The following GPHN variants were observed in gnomAD, a reference collection of about 807,000 sequenced individuals.
The protein encoded by GPHN is gephyrin.
A neutral mutation model predicts 95.5 loss-of-function variants in GPHN; 17 were observed. The ratio of observed to expected loss-of-function variants is 0.18; its 90% CI spans 0.12 to 0.27. GPHN has a LOEUF of 0.27. Ranked by LOEUF, GPHN falls within the 10% of genes least tolerant of loss-of-function variation. GPHN has a pLI of 1.00. For missense variants in GPHN, 660 were observed against 978.1 expected (o/e 0.67, Z 4.34); for synonymous variants, 320 against 322.5 (o/e 0.99, Z 0.08).
At chr14:66,919,837 T>A (rs890310434) in intron 6 of GPHN, among the ~76,000 whole-genome samples, 1 of 151,832 alleles carries the variant, frequency 6.6e-6, no homozygotes, top group Non-Finnish European at 1.5e-5. Context: ...GAGGCCGAGG[T>A]GGGCCGATCA....
chr14:66,947,347 A>G (rs2067821627), intron 8 of GPHN, among the ~76,000 whole-genome samples: 1 of 152,182 alleles, frequency 6.6e-6, no homozygotes, highest in African/African-American at 2.4e-5. Flanking sequence ...GTTATTCTCT[A>G]TCATTGCACC....
chr14:67,697,834 T>C, the GPHN span, among the ~76,000 whole-genome samples: 1 of 152,176 alleles, frequency 6.6e-6, no homozygotes, highest in African/African-American at 2.4e-5. Flanking sequence ...GGTGGCAGAT[T>C]TCTGTACATG....
the GPHN span, chr14:67,205,028 G>A: frequency 6.4e-7 from 1 of 1,553,122 alleles, no homozygotes; most frequent in Non-Finnish European, 8.7e-7. Flanking sequence ...ATTACAAACT[G>A]CTCGGGAGTC....
chr14:67,082,819 C>A (rs2076744183), intron 11 of GPHN, among the ~76,000 whole-genome samples: 1 of 152,066 alleles, frequency 6.6e-6, no homozygotes, highest in Admixed American at 6.6e-5. Context: ...TACATCATTT[C>A]TTTTTATGGC....
intron 11 of GPHN, among the ~76,000 whole-genome samples, chr14:67,074,769 C>T (rs1422851011): frequency 1.3e-5 from 2 of 152,044 alleles, no homozygotes; most frequent in Non-Finnish European, 2.9e-5. Context: ...TAAGCCAAAG[C>T]GTAATCCAGA....
chr14:66,655,617 A>G (rs1303889574), intron 1 of GPHN, among the ~76,000 whole-genome samples: 1 of 151,958 alleles, frequency 6.6e-6, no homozygotes, highest in African/African-American at 2.4e-5. Flanking sequence ...TGCACTTGCT[A>G]AATATTATTT....
At chr14:67,118,103 G>A (rs2078795984) in intron 16 of GPHN, among the ~76,000 whole-genome samples, 1 of 152,152 alleles carries the variant, frequency 6.6e-6, no homozygotes, top group South Asian at 2.1e-4. Flanking sequence ...ACCCTTGTGA[G>A]TTCTTACCTG....
chr14:66,978,979 A>G (rs1359584413), intron 9 of GPHN, among the ~76,000 whole-genome samples: 2 of 152,224 alleles, frequency 1.3e-5, no homozygotes, highest in Non-Finnish European at 2.9e-5. Flanking sequence ...GACTAGGTAC[A>G]ATGTCAATGA....
At chr14:66,632,301 T>C (rs983319565) in intron 1 of GPHN, among the ~76,000 whole-genome samples, 1 of 152,184 alleles carries the variant, frequency 6.6e-6, no homozygotes, top group South Asian at 2.1e-4. Flanking sequence ...ACCTTTCTTC[T>C]CTAAACCCTC....
At chr14:67,179,219 T>TA (rs1368261665) in intron 21 of GPHN, among the ~76,000 whole-genome samples, 28 of 151,104 alleles carry the variant, frequency 1.9e-4, no homozygotes, top group Middle Eastern at 3.4e-3. Context: ...ATGCCATCTC[T>TA]AAAAATAAAA....
At chr14:67,203,303 A>G in the GPHN span, 25 of 1,561,920 alleles carry the variant, frequency 1.6e-5, no homozygotes, top group Non-Finnish European at 1.8e-5. Context: ...GGTGAGTTAC[A>G]AAGAGAAGAG....
chr14:66,780,507 T>C (rs2059565622), intron 3 of GPHN, among the ~76,000 whole-genome samples: 1 of 152,100 alleles, frequency 6.6e-6, no homozygotes, highest in African/African-American at 2.4e-5. Context: ...GTGATTTTTT[T>C]CCTAAAGGAA....
At chr14:67,521,707 C>T in the GPHN span, among the ~76,000 whole-genome samples, 85 of 152,136 alleles carry the variant, frequency 5.6e-4, no homozygotes, top group Non-Finnish European at 2.4e-4. Flanking sequence ...ACTAAGACAG[C>T]CCTGAAAATT....
At chr14:67,638,066 G>C in the GPHN span, among the ~76,000 whole-genome samples, 1 of 152,122 alleles carries the variant, frequency 6.6e-6, no homozygotes, top group Non-Finnish European at 1.5e-5. Flanking sequence ...CCAGGTCTCT[G>C]AATTACTGCA....
At chr14:67,170,097 TA>T (rs1163739799) in intron 21 of GPHN, among the ~76,000 whole-genome samples, 2 of 151,876 alleles carry the variant, frequency 1.3e-5, no homozygotes, top group African/African-American at 4.8e-5. Flanking sequence ...AATAAAAAGA[TA>T]AAATATTTTA....
intron 1 of GPHN, among the ~76,000 whole-genome samples, chr14:66,595,149 G>A (rs566113051): frequency 1.2e-4 from 18 of 152,294 alleles, no homozygotes; most frequent in African/African-American, 4.1e-4. Context: ...CCGAAGGTAA[G>A]TATTAGCAAG....
intron 10 of GPHN, among the ~76,000 whole-genome samples, chr14:67,045,789 G>C (rs1400872340): frequency 2.0e-5 from 3 of 147,264 alleles, no homozygotes; most frequent in Non-Finnish European, 4.5e-5. Flanking sequence ...CTCTCTCTCT[G>C]TGCATCTGTC....
At chr14:67,620,263 C>G in the GPHN span, among the ~76,000 whole-genome samples, 1 of 149,910 alleles carries the variant, frequency 6.7e-6, no homozygotes, top group Admixed American at 6.6e-5. Flanking sequence ...GGATATCCTC[C>G]GACAGAGAAT....
At chr14:67,101,922 A>C (rs1455927178) in intron 13 of GPHN, among the ~76,000 whole-genome samples, 1 of 151,808 alleles carries the variant, frequency 6.6e-6, no homozygotes, top group East Asian at 1.9e-4. Context: ...CCCAGGCTGG[A>C]GTGCAGTGGC....
Sources: gnomAD v4.1 joint callset for allele counts (sites outside exome capture counted in the v4.1 genomes callset) on GRCh38, gnomAD v4.1.1 for gene constraint, MANE v1.5 for transcripts, NCBI Gene and HGNC (gene_info 2026-07-23, HGNC 2026-07-21) for gene names.